The following TMTC2 variants were observed in gnomAD, a reference collection of about 807,000 sequenced individuals.
TMTC2 encodes the protein protein O-mannosyl-transferase TMTC2.
A neutral mutation model predicts 82.4 loss-of-function variants in TMTC2; 43 were observed. The observed-to-expected ratio is 0.52, with a 90% CI of 0.41 to 0.67. TMTC2 has a LOEUF of 0.67. Among genes scored for constraint, TMTC2 ranks in the 30% least tolerant of loss-of-function variants. The pLI is 0.00. For missense variants in TMTC2, 919 were observed against 1,012.4 expected, an observed-to-expected ratio of 0.91 and a Z score of 1.25; for synonymous variants, 408 against 381.9, an observed-to-expected ratio of 1.07 and a Z score of -0.80.
intron 1 of TMTC2, among the ~76,000 whole-genome samples, chr12:82,801,732 C>T (rs1879013981): frequency 6.6e-6 from 1 of 152,100 alleles, no homozygotes; most frequent in Non-Finnish European, 1.5e-5. Context: ...ACACAGAGTG[C>T]CGATTGGTGT....
At chr12:82,712,879 G>A (rs1463726295) in intron 1 of TMTC2, among the ~76,000 whole-genome samples, 1 of 152,146 alleles carries the variant, frequency 6.6e-6, no homozygotes, top group Non-Finnish European at 1.5e-5. Context: ...AAAGTAGGGG[G>A]AGACCAGGTG....
At chr12:82,910,406 G>A (rs1302810383) in intron 3 of TMTC2, among the ~76,000 whole-genome samples, 1 of 152,230 alleles carries the variant, frequency 6.6e-6, no homozygotes, top group Admixed American at 6.5e-5. Context: ...CCAACCCCAC[G>A]GCAGTGCCTA....
chr12:82,766,408 A>C (rs1232188985), intron 1 of TMTC2, among the ~76,000 whole-genome samples: 1 of 152,186 alleles, frequency 6.6e-6, no homozygotes, highest in Non-Finnish European at 1.5e-5. Flanking sequence ...GGTATTGACT[A>C]AGGGTCTCCC....
chr12:83,023,601 G>T (rs1881032209), intron 8 of TMTC2, among the ~76,000 whole-genome samples: 1 of 152,224 alleles, frequency 6.6e-6, no homozygotes, highest in South Asian at 2.1e-4. Context: ...TGATGGCTCT[G>T]CAGTGGCACT....
intron 4 of TMTC2, among the ~76,000 whole-genome samples, chr12:82,957,669 G>A (rs1403213278): frequency 6.6e-6 from 1 of 151,862 alleles, no homozygotes; most frequent in Admixed American, 6.6e-5. Flanking sequence ...TATTAGGTTG[G>A]TGCAGAATAC....
intron 2 of TMTC2, among the ~76,000 whole-genome samples, chr12:82,863,964 T>A (rs1871683681): frequency 6.6e-6 from 1 of 152,118 alleles, no homozygotes; most frequent in Non-Finnish European, 1.5e-5. Context: ...AGGTTACTTT[T>A]GGTTGAGGGG....
At chr12:83,086,026 A>G (rs557613200) in intron 11 of TMTC2, among the ~76,000 whole-genome samples, 1 of 151,950 alleles carries the variant, frequency 6.6e-6, no homozygotes, top group East Asian at 1.9e-4. Context: ...CTTTTAGCCT[A>G]TTGAGACCTA....
intron 8 of TMTC2, among the ~76,000 whole-genome samples, chr12:83,009,658 G>A (rs533525790): frequency 5.3e-5 from 8 of 152,006 alleles, no homozygotes; most frequent in Non-Finnish European, 8.8e-5. Context: ...AAAACACTGC[G>A]AGAACTAATC....
At chr12:82,886,062 T>A (rs1284073053) in intron 2 of TMTC2, among the ~76,000 whole-genome samples, 1 of 152,232 alleles carries the variant, frequency 6.6e-6, no homozygotes, top group African/African-American at 2.4e-5. Flanking sequence ...ATACTTTGGG[T>A]TATAATCCAC....
At chr12:83,072,453 G>A (rs1321968970) in intron 11 of TMTC2, among the ~76,000 whole-genome samples, 1 of 152,072 alleles carries the variant, frequency 6.6e-6, no homozygotes, top group Non-Finnish European at 1.5e-5. Flanking sequence ...AGTTCCATGA[G>A]CTGTTGAATA....
chr12:82,730,088 C>G (rs894576976), intron 1 of TMTC2, among the ~76,000 whole-genome samples: 16 of 152,078 alleles, frequency 1.1e-4, no homozygotes, highest in African/African-American at 3.9e-4. Flanking sequence ...AGAACTGTAA[C>G]ACTCACTGCG....
At chr12:82,916,406 A>G (rs979052592) in intron 3 of TMTC2, among the ~76,000 whole-genome samples, 5 of 152,110 alleles carry the variant, frequency 3.3e-5, no homozygotes, top group African/African-American at 4.8e-5. Flanking sequence ...CATTGTTATT[A>G]GGGACATAGG....
At chr12:82,934,297 G>A (rs942481455) in intron 4 of TMTC2, among the ~76,000 whole-genome samples, 2 of 152,068 alleles carry the variant, frequency 1.3e-5, no homozygotes, top group African/African-American at 4.8e-5. Flanking sequence ...TGTTACATAG[G>A]TATACACATG....
intron 11 of TMTC2, among the ~76,000 whole-genome samples, chr12:83,082,505 A>G (rs1217875217): frequency 6.6e-6 from 1 of 152,222 alleles, no homozygotes; most frequent in Non-Finnish European, 1.5e-5. Context: ...GAGTTATACT[A>G]TCCTTGACAA....
chr12:83,095,126 A>G (rs1043169634), intron 11 of TMTC2, among the ~76,000 whole-genome samples: 1 of 152,074 alleles, frequency 6.6e-6, no homozygotes, highest in Non-Finnish European at 1.5e-5. Context: ...GTGTGTGTGC[A>G]TGTGTCCATG....
At chr12:82,848,504 A>T (rs1159310531) in intron 1 of TMTC2, among the ~76,000 whole-genome samples, 1 of 152,128 alleles carries the variant, frequency 6.6e-6, no homozygotes. Flanking sequence ...ACTTGGCTGA[A>T]TATTTAATGT....
In TMTC2 at chr12:82,687,614, C is replaced by T; in HGVS notation, c.28C>T (p.Leu10=). The part of the protein sequence containing the change: MIAELVSSA[L]GLALYLNTLS... ...GATTGCAGAGTTGGTGAGCAGCGCTCTGGGGCTCGCCTTGTATCTCAACAC... is the reference window on the plus strand; with the variant it reads ...GATTGCAGAGTTGGTGAGCAGCGCTTTGGGGCTCGCCTTGTATCTCAACAC... Residue 10 remains leucine (L), a synonymous_variant, in exon 1 of 12, where the codon CTG becomes TTG. Coordinates refer to ENST00000321196, the MANE Select transcript of TMTC2 (RefSeq NM_152588.3). 2.5e-6 allele frequency: 4 copies of T among 1,602,790 alleles called. No homozygotes were observed. Among genetic ancestry groups the T allele is most frequent in the Non-Finnish European group, 3.4e-6 (4 of 1,176,028 alleles).
At chr12:82,903,064 TC>T (rs893897512) in intron 3 of TMTC2, among the ~76,000 whole-genome samples, 7 of 152,096 alleles carry the variant, frequency 4.6e-5, no homozygotes, top group Non-Finnish European at 1.0e-4. Flanking sequence ...CTAGGTAAGC[TC>T]CTGCCGCAGA....
intron 11 of TMTC2, among the ~76,000 whole-genome samples, chr12:83,110,046 C>T (rs1251024570): frequency 6.6e-6 from 1 of 152,158 alleles, no homozygotes; most frequent in Non-Finnish European, 1.5e-5. Flanking sequence ...TATATCTTCA[C>T]CTGTCATTAT....
Sources: allele counts gnomAD v4.1 joint callset (sites outside exome capture counted in the v4.1 genomes callset), GRCh38; gene constraint gnomAD v4.1.1; transcripts MANE v1.5; gene names NCBI Gene and HGNC (gene_info 2026-07-23, HGNC 2026-07-21).